Variants in AKAP10 observed in about 807,000 individuals in gnomAD.
The protein encoded by AKAP10 is A-kinase anchor protein 10, mitochondrial.
AKAP10 carries 24 observed loss-of-function variants against 80.8 expected under a neutral mutation model. The ratio of observed to expected loss-of-function variants is 0.30; its 90% confidence interval spans 0.22 to 0.42. AKAP10 has a LOEUF of 0.42. Among genes scored for constraint, AKAP10 ranks in the 10% least tolerant of loss-of-function variants. The probability of loss-of-function intolerance (pLI) is 1.00; values close to 1 mark genes in which losing one functional copy is unlikely to be tolerated. For missense variants in AKAP10, 661 were observed against 794.9 expected (o/e 0.83, Z 2.03); for synonymous variants, 291 against 277.7 (o/e 1.05, Z -0.48).
At chr17:19,936,658 T>C (rs1346869840) in intron 8 of AKAP10, among the ~76,000 whole-genome samples, 1 of 152,200 alleles carries the variant, frequency 6.6e-6, no homozygotes, top group Non-Finnish European at 1.5e-5. Context: ...CCATCCTTAG[T>C]TCTTGACGGT....
At chr17:19,959,518 C>T (rs2043323735) in intron 3 of AKAP10, among the ~76,000 whole-genome samples, 1 of 152,136 alleles carries the variant, frequency 6.6e-6, no homozygotes, top group Non-Finnish European at 1.5e-5. Context: ...ATGTTATGAA[C>T]TCAGCATTAT....
At chr17:19,933,697 C>T (rs1216415957) in intron 9 of AKAP10, among the ~76,000 whole-genome samples, 2 of 152,116 alleles carry the variant, frequency 1.3e-5, no homozygotes, top group Non-Finnish European at 2.9e-5. Context: ...TTACTACTAG[C>T]TATTTAATGA....
chr17:19,946,255 ATATATATATATATATATATATTT>A (rs2043120525), intron 5 of AKAP10, among the ~76,000 whole-genome samples: 8 of 21,348 alleles, frequency 3.7e-4, no homozygotes, highest in East Asian at 1.4e-3. Flanking sequence ...ATATATATAT[ATATATATATATATATATATATTT>A]TTTTTTTTTT....
Position 19,931,831 on chromosome 17 carries a change from C to T in AKAP10, c.1615G>A (p.Gly539Arg), listed in dbSNP as rs751879758. The T allele has an allele frequency of 7.4e-6, 12 of 1,613,808 alleles. No individual in the cohort carries two copies. Among genetic ancestry groups the T allele is most frequent in the Non-Finnish European group, 9.3e-6 (11 of 1,179,948 alleles). The change falls in exon 10 of 15, where the codon GGG (glycine) becomes AGG (arginine). Residue 539 changes from glycine (G) to arginine (R), a missense_variant. By Grantham distance (125) the Gly-to-Arg change is moderately radical. Transcript: ENST00000225737. ...SVGPPDESHP[G>R]SSDSSASQSS... ...TGAGACGCAGAGCTGTCAGAACTCCCTGGGTGAGACTCATCAGGAGGGCCA... is the reference window on the plus strand; with the variant it reads ...TGAGACGCAGAGCTGTCAGAACTCCTTGGGTGAGACTCATCAGGAGGGCCA...
At chr17:19,961,072 T>C (rs2043343187) in intron 3 of AKAP10, among the ~76,000 whole-genome samples, 1 of 140,580 alleles carries the variant, frequency 7.1e-6, no homozygotes. Flanking sequence ...CCAGGCACAG[T>C]AGCTCACGCC....
intron 12 of AKAP10, 136 bp from the exon 13 acceptor site, chr17:19,910,114 G>A (rs2042672728): frequency 1.4e-6 from 1 of 722,776 alleles, no homozygotes; most frequent in East Asian, 2.8e-5. Context: ...ATTCACCTGA[G>A]GTTAAGAGTT....
chr17:19,957,920 T>C lies in AKAP10; in HGVS notation c.877+94A>G, dbSNP rs568063434. 27 of 1,327,700 alleles carry C rather than the reference T, an allele frequency of 2.0e-5. No homozygotes were observed. The South Asian group carries it at 3.0e-4, about 15-fold the overall frequency. 82.2% of individuals were successfully genotyped at this position (1,327,700 alleles called of 1,614,324 possible). ...AGTAGTTAGAGGAGAAAAAAAATATTCCAATCATTTTATTCCTCATCTGAA... is the reference window on the plus strand; with the variant it reads ...AGTAGTTAGAGGAGAAAAAAAATATCCCAATCATTTTATTCCTCATCTGAA... On this transcript the variant is annotated intron_variant, in intron 4 of 14. Coordinates refer to ENST00000225737, the MANE Select transcript of AKAP10 (RefSeq NM_007202.4).
At chr17:19,925,608 T>A (rs771249795) in intron 10 of AKAP10, among the ~76,000 whole-genome samples, 14 of 152,192 alleles carry the variant, frequency 9.2e-5, no homozygotes, top group Non-Finnish European at 1.9e-4. Context: ...ACTGCAGCAT[T>A]GTTTAAAATA....
chr17:19,926,437 A>G (rs1024824154), intron 10 of AKAP10, among the ~76,000 whole-genome samples: 3 of 152,276 alleles, frequency 2.0e-5, no homozygotes, highest in South Asian at 4.1e-4. Flanking sequence ...TGCTTCTGCC[A>G]CTTCTACTCA....
intron 1 of AKAP10, among the ~76,000 whole-genome samples, chr17:19,972,878 A>G (rs573264595): frequency 6.6e-6 from 1 of 152,256 alleles, no homozygotes; most frequent in Admixed American, 6.5e-5. Context: ...GTTCTTCTAC[A>G]TGACTTCAAG....
chr17:19,922,812 A>C (rs1039473336), intron 11 of AKAP10, among the ~76,000 whole-genome samples: 8 of 152,164 alleles, frequency 5.3e-5, no homozygotes, highest in Non-Finnish European at 8.8e-5. Context: ...AGGCAGAAGA[A>C]ACGCTTGAAC....
intron 10 of AKAP10, among the ~76,000 whole-genome samples, chr17:19,930,574 G>A (rs1357159507): frequency 6.6e-6 from 1 of 151,886 alleles, no homozygotes; most frequent in African/African-American, 2.4e-5. Flanking sequence ...CTTGAAGCCA[G>A]GAGTTTGAGA....
At chr17:19,931,141 G>GAAAAAAAA (rs1052856841) in intron 10 of AKAP10, among the ~76,000 whole-genome samples, 1 of 147,840 alleles carries the variant, frequency 6.8e-6, no homozygotes, top group Non-Finnish European at 1.5e-5. Context: ...CTCAAGAAAA[G>GAAAAAAAA]AAAAAAAAAG....
intron 12 of AKAP10, among the ~76,000 whole-genome samples, chr17:19,913,229 T>C (rs527471273): frequency 6.7e-6 from 1 of 150,026 alleles, no homozygotes; most frequent in South Asian, 2.1e-4. Flanking sequence ...TCTCAGCTCA[T>C]TGCAACCTCC....
rs569352485 is a variant in AKAP10 at position 19,974,082 on chromosome 17, C to T, written c.88+3510G>A. On this transcript the variant is annotated intron_variant, in intron 1 of 14. Transcript: ENST00000225737. Reference sequence around the variant, plus strand: ...TGGCGCATGCCTGTAATTCCAGCTACTTGCGAGGCTGAGGCAGGAGAATCA... The same window carrying T: ...TGGCGCATGCCTGTAATTCCAGCTATTTGCGAGGCTGAGGCAGGAGAATCA... Among the ~76,000 whole-genome samples, 4 of 152,238 alleles carry T rather than the reference C, an allele frequency of 2.6e-5. No homozygotes were observed. In the South Asian group the frequency reaches 8.3e-4, roughly 32 times the overall value.
chr17:19,916,736 G>C (rs1011724472), intron 12 of AKAP10, among the ~76,000 whole-genome samples: 3 of 150,858 alleles, frequency 2.0e-5, no homozygotes, highest in Middle Eastern at 7.0e-3. Flanking sequence ...AGGAGATCGA[G>C]ACCATCCTGG....
chr17:19,968,500 T>G, intron 1 of AKAP10, 39 bp from the exon 2 acceptor site: 1 of 1,531,618 alleles, frequency 6.5e-7, no homozygotes, highest in Non-Finnish European at 9.0e-7. Flanking sequence ...ACTTTTGCAG[T>G]CAGAGATCCA....
At chr17:19,971,156 T>G (rs2043492311) in intron 1 of AKAP10, among the ~76,000 whole-genome samples, 1 of 151,988 alleles carries the variant, frequency 6.6e-6, no homozygotes, top group Admixed American at 6.6e-5. Flanking sequence ...CAGCCAAACG[T>G]GTATATATAT....
intron 14 of AKAP10, among the ~76,000 whole-genome samples, chr17:19,908,187 T>C (rs998304990): frequency 1.3e-5 from 2 of 152,206 alleles, no homozygotes; most frequent in African/African-American, 4.8e-5. Flanking sequence ...ATTCTAACTT[T>C]ACACTGTGAA....
Sources: gnomAD v4.1 joint callset for allele counts (sites outside exome capture counted in the v4.1 genomes callset) on GRCh38, gnomAD v4.1.1 for gene constraint, MANE v1.5 for transcripts, NCBI Gene and HGNC (gene_info 2026-07-23, HGNC 2026-07-21) for gene names.